The following CGNL1 variants were observed in gnomAD, a reference collection of about 807,000 sequenced individuals.
CGNL1 encodes cingulin-like protein 1.
CGNL1 carries 132 observed loss-of-function variants against 141.2 expected under a neutral mutation model. The observed-to-expected ratio is 0.93, with a 90% confidence interval of 0.81 to 1.08. CGNL1 has a LOEUF of 1.08. CGNL1 is among the 50% of genes least tolerant of loss of function. The pLI is 0.00. For missense variants in CGNL1, 1,870 were observed against 1,588.6 expected, an observed-to-expected ratio of 1.18 and a Z score of -3.01; for synonymous variants, 690 against 622.1, an observed-to-expected ratio of 1.11 and a Z score of -1.63.
In CGNL1 at chr15:57,438,813, A is replaced by G; in HGVS notation, c.814A>G (p.Arg272Gly). Residue 272 changes from arginine to glycine, a missense_variant, in exon 2 of 19, where the codon AGG (arginine) becomes GGG (glycine). Transcript: ENST00000281282. ...TGCCCACCCTGAAACCAAGAAAACC[A>G]GGCCAGATGTTCTTCCCTTCCGGCG... ...PHAHPETKKT[R>G]PDVLPFRRQD... 6.2e-7 allele frequency: 1 copy of G among 1,614,164 alleles called. No homozygotes were observed. The highest frequency in any genetic ancestry group is 1.3e-5 in the African/African-American group (1 of 75,034).
At chr15:57,405,665 C>G (rs1258471876) in intron 1 of CGNL1, among the ~76,000 whole-genome samples, 1 of 152,184 alleles carries the variant, frequency 6.6e-6, no homozygotes. Flanking sequence ...GTCCTCCTCC[C>G]TCAGCCCAGA....
rs565441762 is a variant in CGNL1 at position 57,407,169 on chromosome 15, G to A, written c.-16+30602G>A. On this transcript the variant is annotated intron_variant, in intron 1 of 18. Coordinates refer to ENST00000281282, the MANE Select transcript of CGNL1 (RefSeq NM_032866.5). ...AAGACCTTCCGTTAAGGTGGTCAGA[G>A]CTAAGTTTCAGCGTTTACAAGAGGT... 5.3e-5 allele frequency: 8 copies of A among 152,298 alleles called. 1 individual carries two copies. The highest frequency in any genetic ancestry group is 1.9e-4 in the African/African-American group (8 of 41,562). The allele number at this position is 152,298 out of a possible 1,614,324, so 9.4% of individuals were successfully genotyped here. A position where few individuals can be genotyped will look rare whatever the true frequency, so the allele number is the denominator to read the frequency against.
At chr15:57,487,109 C>G (rs1178281375) in intron 8 of CGNL1, among the ~76,000 whole-genome samples, 2 of 152,176 alleles carry the variant, frequency 1.3e-5, no homozygotes, top group African/African-American at 4.8e-5. Context: ...ACACTAAACT[C>G]TAATTGCCCA....
At chr15:57,469,941 G>A (rs2063558198) in intron 8 of CGNL1, among the ~76,000 whole-genome samples, 1 of 152,190 alleles carries the variant, frequency 6.6e-6, no homozygotes, top group African/African-American at 2.4e-5. Flanking sequence ...AGGATCAGTG[G>A]AATCGCTTCC....
At position 57,419,810 on chromosome 15, in the gene CGNL1, A is replaced by G. The variant is rs987792869; in HGVS notation, c.-15-18175A>G. On this transcript the variant is annotated intron_variant, in intron 1 of 18. Coordinates refer to ENST00000281282, the MANE Select transcript of CGNL1 (RefSeq NM_032866.5). ...TCTTTTCCCCCTCTTTCTATACTCT[A>G]GCTTCTGTGAGGAAGTCACTATGTG... is the stretch of plus-strand genomic sequence containing the variant. 5.9e-5 allele frequency among the ~76,000 whole-genome samples: 9 copies of G among 152,276 alleles called. No homozygotes were observed. The East Asian group carries it at 1.7e-3, about 29-fold the overall frequency.
chr15:57,411,224 G>C (rs1379747241), intron 1 of CGNL1, among the ~76,000 whole-genome samples: 1 of 152,098 alleles, frequency 6.6e-6, no homozygotes, highest in African/African-American at 2.4e-5. Flanking sequence ...ATTTTCTCCA[G>C]AATCATCACA....
At chr15:57,415,642 A>G (rs1365271586) in intron 1 of CGNL1, among the ~76,000 whole-genome samples, 16 of 152,228 alleles carry the variant, frequency 1.1e-4, no homozygotes, top group African/African-American at 3.1e-4. Context: ...TGAGCTCCCC[A>G]CCTATCTCTG....
chr15:57,424,679 C>G lies in CGNL1; in HGVS notation c.-15-13306C>G, dbSNP rs151192359. 6.2e-3 allele frequency among the ~76,000 whole-genome samples: 951 copies of G among 152,258 alleles called. 14 individuals carry two copies. Among genetic ancestry groups the G allele is most frequent in the African/African-American group, 0.022 (905 of 41,532 alleles). ...GGAAAGAACCAAGATGGACAGAACACATAAACGATGCCCTTACACCCCATG... is the reference window on the plus strand; with the variant it reads ...GGAAAGAACCAAGATGGACAGAACAGATAAACGATGCCCTTACACCCCATG... On this transcript the variant is annotated intron_variant, in intron 1 of 18. Transcript: ENST00000281282.
intron 8 of CGNL1, among the ~76,000 whole-genome samples, chr15:57,471,158 G>A (rs553156627): frequency 1.3e-5 from 2 of 152,312 alleles, no homozygotes; most frequent in Non-Finnish European, 2.9e-5. Flanking sequence ...GATTTCCAGA[G>A]CGTAGGAGCT....
chr15:57,437,762 G>A (rs1567115496), intron 1 of CGNL1, among the ~76,000 whole-genome samples: 1 of 152,120 alleles, frequency 6.6e-6, no homozygotes, highest in Non-Finnish European at 1.5e-5. Context: ...CAAACCCAGT[G>A]GTGACAAACT....
intron 8 of CGNL1, among the ~76,000 whole-genome samples, chr15:57,491,473 C>G (rs2063861783): frequency 6.6e-6 from 1 of 152,182 alleles, no homozygotes; most frequent in Non-Finnish European, 1.5e-5. Context: ...AGGCTGTGAG[C>G]TCTTCATTCA....
At chr15:57,516,579 A>C (rs571354193) in intron 8 of CGNL1, among the ~76,000 whole-genome samples, 1 of 152,200 alleles carries the variant, frequency 6.6e-6, no homozygotes, top group Non-Finnish European at 1.5e-5. Context: ...GGGCGTGGCT[A>C]TGTTCCAATA....
chr15:57,449,122 A>G (rs2063291739), intron 4 of CGNL1, among the ~76,000 whole-genome samples: 1 of 152,196 alleles, frequency 6.6e-6, no homozygotes, highest in Admixed American at 6.5e-5. Flanking sequence ...TCTCCCTAGC[A>G]TTGGGCAACC....
At chr15:57,447,562 A>G (rs2063270122) in intron 4 of CGNL1, among the ~76,000 whole-genome samples, 2 of 151,990 alleles carry the variant, frequency 1.3e-5, no homozygotes, top group Admixed American at 6.6e-5. Context: ...CTTTATTGTC[A>G]ATTGTTAGAT....
At chr15:57,468,167 C>G (rs1038563336) in intron 8 of CGNL1, among the ~76,000 whole-genome samples, 2 of 151,272 alleles carry the variant, frequency 1.3e-5, no homozygotes, top group Admixed American at 6.6e-5. Context: ...CCTATCCTCT[C>G]TACTTGTTGC....
intron 8 of CGNL1, among the ~76,000 whole-genome samples, chr15:57,497,104 A>T (rs554906152): frequency 2.8e-4 from 43 of 152,234 alleles, no homozygotes; most frequent in Middle Eastern, 6.8e-3. Flanking sequence ...CGGTATGGGG[A>T]TGGCTGGGGA....
chr15:57,460,258 G>A (rs1391754459), intron 7 of CGNL1, among the ~76,000 whole-genome samples: 1 of 152,160 alleles, frequency 6.6e-6, no homozygotes, highest in Non-Finnish European at 1.5e-5. Flanking sequence ...TCGGATATGA[G>A]TAAAGGTCAC....
At chr15:57,513,497 T>C (rs1280105847) in intron 8 of CGNL1, among the ~76,000 whole-genome samples, 3 of 152,108 alleles carry the variant, frequency 2.0e-5, no homozygotes, top group East Asian at 3.8e-4. Flanking sequence ...TAAACATTCA[T>C]GTACAAGTTT....
At chr15:57,467,419 T>C (rs2152340551) in intron 8 of CGNL1, among the ~76,000 whole-genome samples, 1 of 152,216 alleles carries the variant, frequency 6.6e-6, no homozygotes, top group South Asian at 2.1e-4. Context: ...GCATGAGCAA[T>C]ACCTTGTAGG....
Sources: gnomAD v4.1 joint callset for allele counts (sites outside exome capture counted in the v4.1 genomes callset) on GRCh38, gnomAD v4.1.1 for gene constraint, MANE v1.5 for transcripts, NCBI Gene and HGNC (gene_info 2026-07-23, HGNC 2026-07-21) for gene names.